ARMC6: variants seen among roughly 807,000 people sequenced by gnomAD.
ARMC6 encodes the protein armadillo repeat containing 6, also known as armadillo repeat-containing protein 6.
Under a neutral mutation model 49.2 loss-of-function variants are expected in ARMC6, and 43 were observed. The observed-to-expected ratio is 0.87, with a 90% CI of 0.69 to 1.13. The LOEUF (loss-of-function observed/expected upper bound fraction) is 1.13. ARMC6 is among the 50% of genes most tolerant of loss of function. ARMC6 has a pLI of 0.00. For synonymous variants in ARMC6, 262 were observed against 289.6 expected, an observed-to-expected ratio of 0.90 and a Z score of 0.97; for missense variants, 627 against 682.0, an observed-to-expected ratio of 0.92 and a Z score of 0.90.
chr19:19,042,437 C>T (rs966074669), intron 2 of ARMC6, among the ~76,000 whole-genome samples: 5 of 152,162 alleles, frequency 3.3e-5, no homozygotes, highest in East Asian at 1.9e-4. Context: ...CAGCCTTGAC[C>T]TCCCAGGCTC....
At chr19:19,045,300 A>G (rs2059440447) in intron 4 of ARMC6, among the ~76,000 whole-genome samples, 1 of 152,096 alleles carries the variant, frequency 6.6e-6, no homozygotes, top group African/African-American at 2.4e-5. Flanking sequence ...GGCATGGGCC[A>G]CAGTGCCCAG....
chr19:19,056,328 C>T (rs971539878), intron 8 of ARMC6, among the ~76,000 whole-genome samples: 2 of 148,748 alleles, frequency 1.3e-5, no homozygotes, highest in African/African-American at 2.5e-5. Flanking sequence ...GTGGCGCCAT[C>T]TCAGCTCACT....
At position 19,051,889 on chromosome 19, in the gene ARMC6, G is replaced by A. The variant is rs1599646757; in HGVS notation, c.547G>A (p.Ala183Thr). The A allele has an allele frequency of 1.6e-5, 26 of 1,614,148 alleles. No homozygotes were observed. Among genetic ancestry groups the A allele is most frequent in the Non-Finnish European group, 2.1e-5 (25 of 1,180,032 alleles). Reference protein sequence around the residue: ...LDAQGLQLLVATLTQNADEAD... With the variant: ...LDAQGLQLLVTTLTQNADEAD... ...TGCCCAGGGCCTGCAGCTCCTAGTG[G>A]CCACGCTGACCCAGAATGCTGATGA... is the stretch of plus-strand genomic sequence containing the variant. The change falls in exon 5 of 9, where the codon GCC (alanine) becomes ACC (threonine). Residue 183 changes from alanine (A) to threonine (T), a missense_variant. Ala to Thr is a moderately conservative substitution (Grantham distance 58). Coordinates refer to ENST00000535612, the MANE Select transcript of ARMC6 (RefSeq NM_001199196.2).
chr19:19,043,397 G>C (rs1048203370), intron 3 of ARMC6, among the ~76,000 whole-genome samples: 12 of 152,168 alleles, frequency 7.9e-5, no homozygotes, highest in Non-Finnish European at 1.6e-4. Flanking sequence ...GCTGGGCCCT[G>C]GGGCAGAGGC....
chr19:19,046,942 TCTTTTTCTA>T (rs2059456403), intron 4 of ARMC6, among the ~76,000 whole-genome samples: 1 of 90,754 alleles, frequency 1.1e-5, no homozygotes, highest in Non-Finnish European at 2.5e-5. Flanking sequence ...TTTTTTTTTT[TCTTTTTCTA>T]TTTCTTTTTT....
chr19:19,056,253 CCTT>C (rs2059543604), intron 8 of ARMC6, among the ~76,000 whole-genome samples: 1 of 150,594 alleles, frequency 6.6e-6, no homozygotes, highest in Non-Finnish European at 1.5e-5. Context: ...CACGTAATCT[CCTT>C]CTGTGGGTTT....
At chr19:19,049,267 G>C (rs888016178) in intron 4 of ARMC6, among the ~76,000 whole-genome samples, 1 of 151,948 alleles carries the variant, frequency 6.6e-6, no homozygotes, top group Admixed American at 6.6e-5. Flanking sequence ...TGCCCAGGCT[G>C]GTCTTGAACT....
At chr19:19,046,927 G>GTTTTTT (rs386388691) in intron 4 of ARMC6, among the ~76,000 whole-genome samples, 67 of 104,246 alleles carry the variant, frequency 6.4e-4, no homozygotes, top group African/African-American at 6.7e-4. Flanking sequence ...ATGCTCACCT[G>GTTTTTT]TTTTTTTTTT....
intron 2 of ARMC6, among the ~76,000 whole-genome samples, chr19:19,034,819 C>G (rs1007833994): frequency 6.0e-5 from 9 of 151,136 alleles, no homozygotes; most frequent in African/African-American, 2.2e-4. Context: ...CCTGCCTCAG[C>G]CTCCTGAGTA....
chr19:19,056,039 C>T lies in ARMC6; in HGVS notation c.1293+111C>T, dbSNP rs558152717. 13 of 1,305,344 alleles carry T rather than the reference C, an allele frequency of 1.0e-5. No homozygotes were observed. In the South Asian group the frequency reaches 1.4e-4, roughly 14 times the overall value. 80.9% of individuals were successfully genotyped at this position (1,305,344 alleles called of 1,614,324 possible). ...GCGGGTGGGTGATGGGGCAAAGGCTCAGTCCCTATCCCTATCCCTGTCCCT... is the reference window on the plus strand; with the variant it reads ...GCGGGTGGGTGATGGGGCAAAGGCTTAGTCCCTATCCCTATCCCTGTCCCT... On this transcript the variant is annotated intron_variant, in intron 8 of 8. Transcript: ENST00000535612.
Position 19,054,287 on chromosome 19 carries a change from A to G in ARMC6, c.989A>G (p.Asn330Ser), listed in dbSNP as rs200889331. The G allele has an allele frequency of 1.1e-4, 178 of 1,604,860 alleles. No individual in the cohort carries two copies. The highest frequency in any genetic ancestry group is 1.5e-4 in the Non-Finnish European group (172 of 1,175,670). The change falls in exon 6 of 9, where the codon AAT (asparagine) becomes AGT (serine). Residue 330 changes from asparagine to serine, a missense_variant. Physicochemically the swap from Asn to Ser is conservative, Grantham distance 46 (BLOSUM62 1). Coordinates refer to ENST00000535612, the MANE Select transcript of ARMC6 (RefSeq NM_001199196.2). ...SILVSLLADCNDHQMRDQSGV... is the reference protein window; with the variant it reads ...SILVSLLADCSDHQMRDQSGV... ...CTGGTGTCCCTGCTAGCCGACTGCA[A>G]TGACCACCAGATGAGGGACCAGAGC...
intron 5 of ARMC6, among the ~76,000 whole-genome samples, chr19:19,053,738 GC>G (rs1480824104): frequency 6.6e-6 from 1 of 152,210 alleles, no homozygotes; most frequent in East Asian, 1.9e-4. Flanking sequence ...TTCAGTTTTG[GC>G]CACGTCAGCC....
intron 2 of ARMC6, 84 bp downstream of exon 2, chr19:19,034,322 CTT>C (rs2059319313): frequency 6.7e-7 from 1 of 1,498,092 alleles, no homozygotes. Context: ...AAGGCTGTCT[CTT>C]GAGTGCTGGG....
chr19:19,035,920 C>T (rs73008928), intron 2 of ARMC6, among the ~76,000 whole-genome samples: 9,164 of 152,224 alleles, frequency 0.06, 361 homozygotes, highest in Middle Eastern at 0.15. Flanking sequence ...AAGATGGTCA[C>T]AGGTAGAGAC....
chr19:19,034,302 A>C (rs2059318471), intron 2 of ARMC6, 64 bp downstream of exon 2: 2 of 1,562,046 alleles, frequency 1.3e-6, no homozygotes, highest in South Asian at 1.2e-5. Context: ...TTTATCTAGA[A>C]GTGGTTTTGA....
At chr19:19,053,717 C>T (rs913407724) in intron 5 of ARMC6, among the ~76,000 whole-genome samples, 8 of 152,084 alleles carry the variant, frequency 5.3e-5, no homozygotes, top group South Asian at 2.1e-4. Flanking sequence ...GCTCCATCTG[C>T]GGCTCCTGTG....
intron 2 of ARMC6, among the ~76,000 whole-genome samples, chr19:19,038,351 C>T (rs965759221): frequency 1.6e-4 from 24 of 152,194 alleles, no homozygotes; most frequent in African/African-American, 5.3e-4. Context: ...TTGTCTTCCA[C>T]GAAACTGGTC....
At chr19:19,045,135 C>T (rs948474971) in intron 4 of ARMC6, among the ~76,000 whole-genome samples, 9 of 152,076 alleles carry the variant, frequency 5.9e-5, no homozygotes, top group Admixed American at 2.0e-4. Context: ...CTCAGCCTCC[C>T]GAGTAACTGG....
Position 19,058,023 on chromosome 19 carries a change from G to C in ARMC6, c.*395G>C, listed in dbSNP as rs1251252706. The C allele has an allele frequency of 5.9e-6, 2 of 336,348 alleles. No individual in the cohort carries two copies. The allele number at this position is 336,348 out of a possible 1,614,324, so 20.8% of individuals were successfully genotyped here. A position where few individuals can be genotyped will look rare whatever the true frequency, so the allele number is the denominator to read the frequency against. On this transcript the variant is annotated 3_prime_UTR_variant, in exon 9 of 9. Transcript: ENST00000535612. ...GGGGTTGGGCCCCCTGGCGCCTGCT[G>C]CTTACTGCAGTTTCATGCAGGCCTC... is the stretch of plus-strand genomic sequence containing the variant.
Sources: allele counts gnomAD v4.1 joint callset (sites outside exome capture counted in the v4.1 genomes callset), GRCh38; gene constraint gnomAD v4.1.1; transcripts MANE v1.5; gene names NCBI Gene and HGNC (gene_info 2026-07-23, HGNC 2026-07-21).